Variants in ARSJ observed in about 807,000 individuals in gnomAD.
The protein encoded by ARSJ is arylsulfatase family member J.
ARSJ carries 26 observed loss-of-function variants against 35.9 expected under a neutral mutation model. That is an observed-to-expected ratio of 0.72 (90% CI 0.53 to 1.00). The LOEUF (loss-of-function observed/expected upper bound fraction) is 1.00. Among genes scored for constraint, ARSJ ranks in the 50% least tolerant of loss-of-function variants. The pLI is 0.00. For missense variants in ARSJ, 667 were observed against 723.6 expected, an observed-to-expected ratio of 0.92 and a Z score of 0.90; for synonymous variants, 294 against 267.6, an observed-to-expected ratio of 1.10 and a Z score of -0.96.
chr4:113,944,185 A>T (rs1354978583), intron 1 of ARSJ: 1 of 152,024 alleles, frequency 6.6e-6, no homozygotes, highest in Non-Finnish European at 1.5e-5. Context: ...ACAGGGCCAG[A>T]TAAGGGATGC....
At position 113,928,805 on chromosome 4, in the gene ARSJ, C is replaced by A. The variant is rs138896043; in HGVS notation, c.399-25130G>T. On this transcript the variant is annotated intron_variant, in intron 1 of 1. Coordinates refer to ENST00000315366, the MANE Select transcript of ARSJ (RefSeq NM_024590.4). ...GTGCTTCCCTCACAAATCTGTTTTG[C>A]AAGGCATTGGTCAAGGGTATGTCTT... Among the ~76,000 whole-genome samples, 1,279 of 152,250 alleles carry A rather than the reference C, an allele frequency of 8.4e-3. 16 individuals carry two copies. Among genetic ancestry groups the A allele is most frequent in the African/African-American group, 0.03 (1,240 of 41,540 alleles).
chr4:113,977,981 G>T (rs956673646), intron 1 of ARSJ, among the ~76,000 whole-genome samples: 4 of 152,122 alleles, frequency 2.6e-5, no homozygotes, highest in African/African-American at 9.7e-5. Context: ...CTCTATATCT[G>T]TTTCGTTGGT....
chr4:113,939,571 C>T (rs1478079239), intron 1 of ARSJ, among the ~76,000 whole-genome samples: 17 of 151,934 alleles, frequency 1.1e-4, no homozygotes, highest in South Asian at 6.2e-4. Flanking sequence ...CTCCAGCACC[C>T]GTTGTTTCCT....
chr4:113,921,092 C>T (rs1296283532), intron 1 of ARSJ, among the ~76,000 whole-genome samples: 2 of 106,714 alleles, frequency 1.9e-5, no homozygotes, highest in Non-Finnish European at 4.4e-5. Context: ...TACACACACA[C>T]ACACACACAC....
chr4:113,957,254 T>C (rs1726239027), intron 1 of ARSJ, among the ~76,000 whole-genome samples: 1 of 152,082 alleles, frequency 6.6e-6, no homozygotes, highest in African/African-American at 2.4e-5. Context: ...CTTTTAGTTT[T>C]AGCTCTCCAA....
At chr4:113,950,122 A>G (rs1159247470) in intron 1 of ARSJ, among the ~76,000 whole-genome samples, 1 of 152,088 alleles carries the variant, frequency 6.6e-6, no homozygotes, top group Non-Finnish European at 1.5e-5. Context: ...AATAAAATGT[A>G]CTGAAAAGTG....
intron 1 of ARSJ, among the ~76,000 whole-genome samples, chr4:113,916,768 G>T (rs1723330278): frequency 6.6e-6 from 1 of 151,814 alleles, no homozygotes; most frequent in Admixed American, 6.6e-5. Flanking sequence ...CCTTTTATTT[G>T]ACTAATGTGT....
intron 1 of ARSJ, among the ~76,000 whole-genome samples, chr4:113,926,178 G>T (rs1724047942): frequency 6.6e-6 from 1 of 152,164 alleles, no homozygotes; most frequent in Non-Finnish European, 1.5e-5. Flanking sequence ...ACCACTCAAA[G>T]AAGTCCATCC....
chr4:113,979,585 G>T lies in ARSJ; in HGVS notation c.-751C>A, dbSNP rs986452267. On this transcript the variant is annotated 5_prime_UTR_variant, in exon 1 of 2. Coordinates refer to ENST00000315366, the MANE Select transcript of ARSJ (RefSeq NM_024590.4). The stretch of plus-strand genomic sequence containing the variant: ...AAGCCGGGTCCCTAGCCCCGCGGCC[G>T]GTCCGCGCGGAGCCCGCTTGGTCTT... 1 of 152,308 alleles carries T rather than the reference G, an allele frequency of 6.6e-6. No individual in the cohort carries two copies. Among genetic ancestry groups the T allele is most frequent in the Admixed American group, 6.5e-5 (1 of 15,292 alleles). 9.4% of individuals were successfully genotyped at this position (152,308 alleles called of 1,614,324 possible). A position where few individuals can be genotyped will look rare whatever the true frequency, so the allele number is the denominator to read the frequency against.
chr4:113,969,951 G>C (rs1461861434), intron 1 of ARSJ, among the ~76,000 whole-genome samples: 1 of 152,202 alleles, frequency 6.6e-6, no homozygotes, highest in African/African-American at 2.4e-5. Flanking sequence ...AGCTGTGAAG[G>C]AGTGGAAAAT....
chr4:113,938,140 C>A lies in ARSJ; in HGVS notation c.399-34465G>T, dbSNP rs190410678. On this transcript the variant is annotated intron_variant, in intron 1 of 1. Transcript: ENST00000315366. Reference sequence around the variant, plus strand: ...TCATGCTACTCAACTTCAAACTATACTATGAGGATACAGTAACCAAAACGG... The same window carrying A: ...TCATGCTACTCAACTTCAAACTATAATATGAGGATACAGTAACCAAAACGG... Among the ~76,000 whole-genome samples, 6 of 152,170 alleles carry A rather than the reference C, an allele frequency of 3.9e-5. No individual in the cohort carries two copies. In the East Asian group the frequency reaches 1.2e-3, roughly 29 times the overall value.
intron 1 of ARSJ, among the ~76,000 whole-genome samples, chr4:113,949,630 CAG>C (rs1442733062): frequency 6.6e-6 from 1 of 152,068 alleles, no homozygotes; most frequent in Non-Finnish European, 1.5e-5. Flanking sequence ...TAAACGTAGA[CAG>C]AGATGATGTT....
At chr4:113,907,984 G>T (rs773777658) in intron 1 of ARSJ, among the ~76,000 whole-genome samples, 1 of 151,968 alleles carries the variant, frequency 6.6e-6, no homozygotes, top group Non-Finnish European at 1.5e-5. Context: ...CTACCCATCG[G>T]GTAGTATGCT....
At chr4:113,945,897 G>C (rs775065024) in intron 1 of ARSJ, among the ~76,000 whole-genome samples, 1 of 151,970 alleles carries the variant, frequency 6.6e-6, no homozygotes, top group African/African-American at 2.4e-5. Flanking sequence ...CAACAATCTT[G>C]GTTGTTGACA....
intron 1 of ARSJ, chr4:113,946,403 TA>T (rs1297911834): frequency 6.6e-6 from 1 of 151,740 alleles, no homozygotes; most frequent in Non-Finnish European, 1.5e-5. Context: ...TTTAGGTGCA[TA>T]AAAAATTGTG....
chr4:113,931,401 A>G (rs1350538110), intron 1 of ARSJ, among the ~76,000 whole-genome samples: 2 of 152,108 alleles, frequency 1.3e-5, no homozygotes, highest in Non-Finnish European at 2.9e-5. Context: ...CAAAACATAA[A>G]GGGTACAGAA....
chr4:113,957,848 A>G (rs984233824), intron 1 of ARSJ, among the ~76,000 whole-genome samples: 7 of 152,118 alleles, frequency 4.6e-5, no homozygotes, highest in Non-Finnish European at 1.0e-4. Context: ...AAAAATTTTT[A>G]TCAACAAACA....
chr4:113,973,913 G>A (rs1727432849), intron 1 of ARSJ, among the ~76,000 whole-genome samples: 2 of 152,140 alleles, frequency 1.3e-5, no homozygotes, highest in Non-Finnish European at 2.9e-5. Context: ...TAGTAGTTAA[G>A]AGAACATAGC....
Position 113,907,219 on chromosome 4 carries a change from C to A in ARSJ, c.399-3544G>T, listed in dbSNP as rs182695540. Among the ~76,000 whole-genome samples the A allele has an allele frequency of 5.9e-5, 9 of 152,142 alleles. No homozygotes were observed. The East Asian group carries it at 1.7e-3, about 29-fold the overall frequency. ...TTAAAGAAAGGAAGGATTTGTAAACCGGATAGTGAGACTTATGTTGATCCC... is the reference window on the plus strand; with the variant it reads ...TTAAAGAAAGGAAGGATTTGTAAACAGGATAGTGAGACTTATGTTGATCCC... On this transcript the variant is annotated intron_variant, in intron 1 of 1. Coordinates refer to ENST00000315366, the MANE Select transcript of ARSJ (RefSeq NM_024590.4).
Sources: allele counts gnomAD v4.1 joint callset (sites outside exome capture counted in the v4.1 genomes callset), GRCh38; gene constraint gnomAD v4.1.1; transcripts MANE v1.5; gene names NCBI Gene and HGNC (gene_info 2026-07-23, HGNC 2026-07-21).